The following CDH18 variants were observed in gnomAD, a reference collection of about 807,000 sequenced individuals.
CDH18 encodes the protein cadherin 18, also known as cadherin-18.
In CDH18, 31 loss-of-function variants were observed where a neutral mutation model predicts 67.9. The observed-to-expected ratio is 0.46, with a 90% CI of 0.34 to 0.62. CDH18 has a LOEUF of 0.62. CDH18 is among the 20% of genes least tolerant of loss of function. The pLI is 0.01. For missense variants in CDH18, 890 were observed against 975.5 expected (o/e 0.91, Z 1.17); for synonymous variants, 362 against 347.2 (o/e 1.04, Z -0.48).
chr5:20,334,088 A>G (rs1390355606), intron 1 of CDH18, among the ~76,000 whole-genome samples: 1 of 151,542 alleles, frequency 6.6e-6, no homozygotes, highest in Non-Finnish European at 1.5e-5. Context: ...GGATAATAAA[A>G]TAGTCATTAC....
chr5:20,509,761 A>C (rs1469362742), intron 1 of CDH18, among the ~76,000 whole-genome samples: 2 of 152,066 alleles, frequency 1.3e-5, no homozygotes, highest in African/African-American at 4.8e-5. Flanking sequence ...CATTGTGTAT[A>C]TATACCACAT....
At chr5:19,507,772 C>G (rs544222982) in intron 10 of CDH18, among the ~76,000 whole-genome samples, 28 of 151,798 alleles carry the variant, frequency 1.8e-4, no homozygotes, top group African/African-American at 6.8e-4. Flanking sequence ...GGAGGAGGGG[C>G]GAGGGATAAC....
chr5:20,442,170 T>C (rs1321146645), intron 1 of CDH18, among the ~76,000 whole-genome samples: 1 of 151,874 alleles, frequency 6.6e-6, no homozygotes, highest in African/African-American at 2.4e-5. Flanking sequence ...GTACCCCTGG[T>C]AACACGGTTG....
At chr5:19,919,409 T>C (rs750680448) in intron 2 of CDH18, among the ~76,000 whole-genome samples, 2 of 152,200 alleles carry the variant, frequency 1.3e-5, no homozygotes, top group Non-Finnish European at 2.9e-5. Context: ...GACAGCTGAA[T>C]ACCCACTACT....
chr5:20,232,448 T>A (rs575411884), intron 2 of CDH18, among the ~76,000 whole-genome samples: 15 of 152,138 alleles, frequency 9.9e-5, no homozygotes, highest in Non-Finnish European at 7.4e-5. Flanking sequence ...TTACAGTTAT[T>A]AGGCTTTGTC....
chr5:19,615,531 G>A lies in CDH18; in HGVS notation c.644-2930C>T, dbSNP rs568401924. ...GAATGGTACATTTGATACTATTGAT[G>A]AGCCTACATTGACACATCATTACTC... is the stretch of plus-strand genomic sequence containing the variant. On this transcript the variant is annotated intron_variant, in intron 5 of 12. Coordinates refer to ENST00000382275, the MANE Select transcript of CDH18 (RefSeq NM_004934.5). Among the ~76,000 whole-genome samples the A allele has an allele frequency of 5.4e-4, 82 of 152,180 alleles. 1 individual carries two copies. Among genetic ancestry groups the A allele is most frequent in the Non-Finnish European group, 9.0e-4 (61 of 68,010 alleles).
At chr5:19,723,139 C>T (rs1766331564) in intron 4 of CDH18, among the ~76,000 whole-genome samples, 1 of 152,032 alleles carries the variant, frequency 6.6e-6, no homozygotes, top group Admixed American at 6.6e-5. Context: ...CATGGCAGCA[C>T]ATGCCTGTAA....
chr5:20,217,609 A>C (rs1168825353), intron 2 of CDH18, among the ~76,000 whole-genome samples: 2 of 151,902 alleles, frequency 1.3e-5, no homozygotes, highest in African/African-American at 4.8e-5. Context: ...GGAGAAAAGA[A>C]AGAGGAGACC....
At chr5:19,738,308 T>C (rs1299250025) in intron 4 of CDH18, among the ~76,000 whole-genome samples, 4 of 152,180 alleles carry the variant, frequency 2.6e-5, no homozygotes, top group Non-Finnish European at 5.9e-5. Flanking sequence ...AATATTTTGC[T>C]GTTTATTTTC....
At chr5:19,841,548 C>A (rs1408591638) in intron 2 of CDH18, among the ~76,000 whole-genome samples, 1 of 146,512 alleles carries the variant, frequency 6.8e-6, no homozygotes, top group Admixed American at 6.9e-5. Context: ...CCAAGAGATT[C>A]TTAATTTTCA....
chr5:20,137,806 TAACA>T (rs1347134368), intron 2 of CDH18, among the ~76,000 whole-genome samples: 1 of 152,008 alleles, frequency 6.6e-6, no homozygotes, highest in Admixed American at 6.6e-5. Flanking sequence ...GTTTTCCTTC[TAACA>T]GTCAGGACCC....
chr5:19,822,827 G>C (rs930762762), intron 3 of CDH18, among the ~76,000 whole-genome samples: 1 of 152,238 alleles, frequency 6.6e-6, no homozygotes, highest in East Asian at 1.9e-4. Flanking sequence ...GAGGCAACTG[G>C]TCTGACCAAA....
At chr5:19,628,970 T>C (rs1215783374) in intron 5 of CDH18, among the ~76,000 whole-genome samples, 1 of 151,426 alleles carries the variant, frequency 6.6e-6, no homozygotes, top group East Asian at 1.9e-4. Context: ...AACCAACCAG[T>C]ATTTCAAGGG....
At chr5:20,514,099 T>A (rs930257528) in intron 1 of CDH18, among the ~76,000 whole-genome samples, 2 of 152,114 alleles carry the variant, frequency 1.3e-5, no homozygotes, top group Non-Finnish European at 2.9e-5. Flanking sequence ...AAATTTTCAG[T>A]TTAAATTATT....
chr5:20,547,451 C>T (rs1032508061), intron 1 of CDH18, among the ~76,000 whole-genome samples: 7 of 151,744 alleles, frequency 4.6e-5, no homozygotes, highest in African/African-American at 1.2e-4. Context: ...CTCCCAGCTA[C>T]TCAGGAGGCT....
chr5:20,364,427 A>T (rs1224773863), intron 1 of CDH18, among the ~76,000 whole-genome samples: 1 of 152,226 alleles, frequency 6.6e-6, no homozygotes, highest in Non-Finnish European at 1.5e-5. Context: ...TTTGTTGGCA[A>T]GAACCACTGA....
At chr5:19,894,489 A>G (rs1789095264) in intron 2 of CDH18, among the ~76,000 whole-genome samples, 1 of 152,016 alleles carries the variant, frequency 6.6e-6, no homozygotes, top group Non-Finnish European at 1.5e-5. Flanking sequence ...ATGTCTGGCT[A>G]CCTAAAAAAA....
At chr5:20,029,080 T>C (rs1739162810) in intron 2 of CDH18, among the ~76,000 whole-genome samples, 1 of 152,166 alleles carries the variant, frequency 6.6e-6, no homozygotes, top group South Asian at 2.1e-4. Context: ...TGACAGCCAA[T>C]TATTCACGCA....
chr5:20,263,991 A>T lies in CDH18; in HGVS notation c.-579-8486T>A, dbSNP rs900180480. On this transcript the variant is annotated intron_variant, in intron 1 of 14. Transcript: ENST00000507958. ...TAAATTGCATATCTATTCTACTCAT[A>T]CATAGTCATTAAAATGTATTTCTTT... Among the ~76,000 whole-genome samples, 7 of 152,160 alleles carry T rather than the reference A, an allele frequency of 4.6e-5. 1 individual carries two copies. The highest frequency in any genetic ancestry group is 1.0e-4 in the Non-Finnish European group (7 of 67,994).
Sources: allele counts gnomAD v4.1 joint callset (sites outside exome capture counted in the v4.1 genomes callset), GRCh38; gene constraint gnomAD v4.1.1; transcripts MANE v1.5; gene names NCBI Gene and HGNC (gene_info 2026-07-23, HGNC 2026-07-21).